The following KALRN variants were observed in gnomAD, a reference collection of about 807,000 sequenced individuals.
KALRN encodes the protein kalirin RhoGEF kinase, also known as kalirin.
KALRN carries 70 observed loss-of-function variants against 353.7 expected under a neutral mutation model. The observed-to-expected ratio is 0.20, with a 90% confidence interval of 0.16 to 0.24. KALRN has a LOEUF of 0.24. Among genes scored for constraint, KALRN ranks in the 10% least tolerant of loss-of-function variants. KALRN has a pLI of 1.00. For missense variants in KALRN, 2,791 were observed against 3,756.7 expected (o/e 0.74, Z 6.72); for synonymous variants, 1,391 against 1,434.8 (o/e 0.97, Z 0.69).
At chr3:124,256,987 A>G (rs1213329615) in intron 3 of KALRN, among the ~76,000 whole-genome samples, 1 of 152,228 alleles carries the variant, frequency 6.6e-6, no homozygotes, top group Non-Finnish European at 1.5e-5. Context: ...CAGTCTTTGC[A>G]AAAAGAACCA....
chr3:124,262,183 G>A (rs1016559635), intron 3 of KALRN, among the ~76,000 whole-genome samples: 2 of 152,044 alleles, frequency 1.3e-5, no homozygotes, highest in African/African-American at 2.4e-5. Context: ...AATAAGTTAT[G>A]GTATAGGCAT....
chr3:124,350,635 T>G (rs2082739047), intron 10 of KALRN, among the ~76,000 whole-genome samples: 1 of 152,082 alleles, frequency 6.6e-6, no homozygotes, highest in African/African-American at 2.4e-5. Flanking sequence ...GGAGTGAGGG[T>G]GGGGGATGTT....
chr3:124,654,384 T>G (rs928293951), intron 38 of KALRN, among the ~76,000 whole-genome samples: 17 of 152,172 alleles, frequency 1.1e-4, no homozygotes, highest in Non-Finnish European at 2.9e-5. Flanking sequence ...GAGCAAGAGT[T>G]TCAGATGAAT....
chr3:124,612,199 A>AT (rs1365324055), intron 34 of KALRN, among the ~76,000 whole-genome samples: 1 of 141,142 alleles, frequency 7.1e-6, no homozygotes, highest in African/African-American at 2.6e-5. Flanking sequence ...TAATTTTTTA[A>AT]TTTTTTTAAT....
rs1232010971 is a variant in KALRN at position 124,632,528 on chromosome 3, G to T, written c.5291G>T (p.Arg1764Leu). Residue 1764 changes from arginine (R) to leucine (L), a missense_variant, in exon 35 of 60, where the codon CGC becomes CTC. This residue lies in a region of KALRN where 1,065 missense variants were observed against 1,156.4 expected (regional missense o/e 0.92). Coordinates refer to ENST00000682506, the MANE Select transcript of KALRN (RefSeq NM_001388419.1). ...NSIHSSPGPK[R>L]STNTLKKWLT... is the part of the protein sequence containing the mutation. Reference sequence around the variant, plus strand: ...ATCCACAGTTCCCCGGGTCCCAAGCGCTCCACCAACACTCTTAAGAAGTGG... The same window carrying T: ...ATCCACAGTTCCCCGGGTCCCAAGCTCTCCACCAACACTCTTAAGAAGTGG... 6.2e-7 allele frequency: 1 copy of T among 1,614,156 alleles called. No homozygotes were observed. The highest frequency in any genetic ancestry group is 2.2e-5 in the East Asian group (1 of 44,878).
At chr3:124,298,703 GC>G in intron 5 of KALRN, 87 bp from the exon 6 acceptor site, 2 of 1,474,768 alleles carry the variant, frequency 1.4e-6, no homozygotes, top group Non-Finnish European at 1.9e-6. Context: ...CAGCAGGAGA[GC>G]TTTTTCCCCT....
intron 5 of KALRN, among the ~76,000 whole-genome samples, chr3:124,287,509 A>G (rs2076016897): frequency 6.6e-6 from 1 of 151,422 alleles, no homozygotes; most frequent in African/African-American, 2.4e-5. Context: ...CAGTTAGGAA[A>G]ATATCCTCAG....
Position 124,234,813 on chromosome 3 carries a change from T to G in KALRN, c.149-16T>G, listed in dbSNP as rs758251054. On this transcript the variant is annotated splice_polypyrimidine_tract_variant and intron_variant, in intron 2 of 59. Transcript: ENST00000682506. Reference sequence around the variant, plus strand: ...ACTGGTTTTCTTAAACACTCTTCTCTTCCTCCTTCTTGCAGGGGGTCGTGA... The same window carrying G: ...ACTGGTTTTCTTAAACACTCTTCTCGTCCTCCTTCTTGCAGGGGGTCGTGA... 2 of 1,565,562 alleles carry G rather than the reference T, an allele frequency of 1.3e-6. No individual in the cohort carries two copies. The highest frequency in any genetic ancestry group is 1.4e-5 in the African/African-American group (1 of 73,790).
rs754909011 is a variant in KALRN at position 124,700,007 on chromosome 3, C to T, written c.7970C>T (p.Ser2657Leu). ...GGAATCAGCCTTCCCAGCGAGCCCT[C>T]GGAGTTTGTGCGACTTCCAGAATAT... ...PWGISLPSEP[S>L]EFVRLPEYDA... Residue 2657 changes from serine (S) to leucine (L), a missense_variant, in exon 56 of 60, where the codon TCG becomes TTG. Physicochemically the swap from Ser to Leu is moderately radical, Grantham distance 145 (BLOSUM62 -2). Transcript: ENST00000682506. The T allele has an allele frequency of 6.2e-7, 1 of 1,613,962 alleles. No individual in the cohort carries two copies.
chr3:124,439,243 T>C (rs1576945762), intron 18 of KALRN, among the ~76,000 whole-genome samples: 1 of 125,112 alleles, frequency 8.0e-6, no homozygotes. Context: ...CACACGCAGC[T>C]TCAAACATGC....
chr3:124,508,552 C>T (rs2065489950), intron 33 of KALRN, among the ~76,000 whole-genome samples: 1 of 152,176 alleles, frequency 6.6e-6, no homozygotes. Flanking sequence ...GAGTATACCA[C>T]AATGTATCCA....
At position 124,490,894 on chromosome 3, in the gene KALRN, G is replaced by A. The variant is rs3816317; in HGVS notation, c.4587+10G>A. On this transcript the variant is annotated intron_variant, in intron 30 of 59. Coordinates refer to ENST00000682506, the MANE Select transcript of KALRN (RefSeq NM_001388419.1). ...CAAGAACAAGCTACTGGTAGGTGGG[G>A]CAGGTGGGGTAAGACAAGACTCCCT... The A allele has an allele frequency of 2.3e-4, 362 of 1,603,252 alleles. No individual in the cohort carries two copies. The East Asian group carries it at 8.0e-3, about 35-fold the overall frequency.
At chr3:124,086,054 T>C (rs576573215) in intron 1 of KALRN, among the ~76,000 whole-genome samples, 3 of 152,338 alleles carry the variant, frequency 2.0e-5, no homozygotes, top group African/African-American at 7.2e-5. Flanking sequence ...TAATGGTTTC[T>C]AAGTATAATG....
In KALRN at chr3:124,720,192, T is replaced by C. The variant is rs2063326227; in HGVS notation, c.*722T>C. On this transcript the variant is annotated 3_prime_UTR_variant, in exon 60 of 60. Transcript: ENST00000682506. ...TGTTGCCCTTTTGAATGAGAAAATT[T>C]TTTCTGTCAATCGCAGGTTATTTGA... 1 of 152,618 alleles carries C rather than the reference T, an allele frequency of 6.6e-6. No individual in the cohort carries two copies. Among genetic ancestry groups the C allele is most frequent in the Admixed American group, 6.5e-5 (1 of 15,280 alleles). 9.5% of individuals were successfully genotyped at this position (152,618 alleles called of 1,614,324 possible). A position where few individuals can be genotyped will look rare whatever the true frequency, so the allele number is the denominator to read the frequency against.
At chr3:124,188,421 T>TC (rs1347336201) in intron 1 of KALRN, among the ~76,000 whole-genome samples, 1 of 152,106 alleles carries the variant, frequency 6.6e-6, no homozygotes, top group East Asian at 1.9e-4. Context: ...TGAAAAGATT[T>TC]CCCTTCAGAG....
chr3:124,069,365 G>GAGGAGA lies in KALRN; in HGVS notation c.73+35557_73+35558insAAGGAG, dbSNP rs2042661251. ...GGAGGAGGAGGAGGAGGAGGAGGAG[G>GAGGAGA]AGGAGGAAATACTGAGGGAACCTGG... is the stretch of plus-strand genomic sequence containing the variant. On this transcript the variant is annotated intron_variant, in intron 1 of 59. Transcript: ENST00000682506. Among the ~76,000 whole-genome samples, 4 of 31,540 alleles carry GAGGAGA rather than the reference G, an allele frequency of 1.3e-4. No homozygotes were observed. In the East Asian group the frequency reaches 2.5e-3, roughly 20 times the overall value. 20.7% of individuals were successfully genotyped at this position (31,540 alleles called of 152,430 possible). A position where few individuals can be genotyped will look rare whatever the true frequency, so the allele number is the denominator to read the frequency against.
At chr3:124,525,942 G>C (rs2109072609) in intron 33 of KALRN, among the ~76,000 whole-genome samples, 1 of 152,226 alleles carries the variant, frequency 6.6e-6, no homozygotes, top group Middle Eastern at 3.4e-3. Flanking sequence ...AGGGGGACAG[G>C]GTCCTTGGAG....
intron 1 of KALRN, among the ~76,000 whole-genome samples, chr3:124,218,148 C>A (rs1489890702): frequency 6.6e-6 from 1 of 152,132 alleles, no homozygotes; most frequent in Non-Finnish European, 1.5e-5. Flanking sequence ...GGAGAAGCAT[C>A]CAAGAGGTGC....
At chr3:124,662,013 T>A in intron 45 of KALRN, 85 bp downstream of exon 45, 1 of 1,080,542 alleles carries the variant, frequency 9.3e-7, no homozygotes, top group Non-Finnish European at 1.4e-6. Flanking sequence ...CCTGAAGCCT[T>A]GTGTCCTGCC....
Sources: allele counts gnomAD v4.1 joint callset (sites outside exome capture counted in the v4.1 genomes callset), GRCh38; gene constraint gnomAD v4.1.1; regional missense constraint gnomAD v4.1.1; transcripts MANE v1.5; gene names NCBI Gene and HGNC (gene_info 2026-07-23, HGNC 2026-07-21).